The following EGFL6 variants were observed in gnomAD, a reference collection of about 807,000 sequenced individuals.
EGFL6 encodes epidermal growth factor-like protein 6.
EGFL6 carries 42 observed loss-of-function variants against 43.1 expected under a neutral mutation model. The observed-to-expected ratio is 0.98, with a 90% CI of 0.76 to 1.26. The LOEUF (loss-of-function observed/expected upper bound fraction) is 1.26, where lower values mean the gene tolerates loss of function less well. EGFL6 is among the 50% of genes most tolerant of loss of function. The pLI, the probability that EGFL6 is intolerant of heterozygous loss-of-function variation, is 0.00. For missense variants in EGFL6, 429 were observed against 427.8 expected (o/e 1.00, Z -0.02); for synonymous variants, 164 against 163.2 (o/e 1.01, Z -0.04).
intron 3 of EGFL6, chrX:13,596,190 C>T (rs753467147): frequency 8.9e-6 from 1 of 112,243 alleles, no homozygotes; most frequent in East Asian, 2.8e-4. Context: ...TTCAGATAAA[C>T]AACAAATAAT....
At position 13,608,351 on chromosome X, in the gene EGFL6, A is replaced by AC; in HGVS notation, c.683_684insC (p.Thr229TyrfsTer18). On this transcript the variant is annotated frameshift_variant, in exon 7 of 12. Coordinates refer to ENST00000361306, the MANE Select transcript of EGFL6 (RefSeq NM_015507.4). LOFTEE classifies it high-confidence loss of function. ...ATAAATGAATGTACTATGGATAGCC[A>AC]TACGTGCAGCCACCATGCCAATTGC... 8.3e-7 allele frequency: 1 copy of AC among 1,211,237 alleles called. No individual in the cohort carries two copies.
At chrX:13,623,376 G>GTTTTTTTT (rs1569209997) in intron 9 of EGFL6, among the ~76,000 whole-genome samples, 4 of 41,025 alleles carry the variant, frequency 9.8e-5, no homozygotes, top group South Asian at 1.5e-3. Context: ...TTTTATTTTG[G>GTTTTTTTT]GTTTTTTTTT....
chrX:13,601,569 G>A (rs2045634135), intron 4 of EGFL6, among the ~76,000 whole-genome samples: 1 of 111,462 alleles, frequency 9.0e-6, no homozygotes, highest in Non-Finnish European at 1.9e-5. Flanking sequence ...GCCCATCCTG[G>A]GTTTTCCCGA....
intron 3 of EGFL6, among the ~76,000 whole-genome samples, chrX:13,598,653 A>G (rs1438451790): frequency 4.6e-5 from 5 of 108,966 alleles, no homozygotes; most frequent in South Asian, 3.9e-4. Flanking sequence ...GAAGATAACC[A>G]TTAGTCGCAT....
chrX:13,616,127 T>C (rs2045716308), intron 7 of EGFL6, among the ~76,000 whole-genome samples: 1 of 112,322 alleles, frequency 8.9e-6, no homozygotes, highest in South Asian at 3.7e-4. Context: ...AATATCAGTG[T>C]ATTTAATTTT....
chrX:13,621,286 T>C (rs2045747277), intron 9 of EGFL6, among the ~76,000 whole-genome samples: 2 of 112,107 alleles, frequency 1.8e-5, no homozygotes, highest in Admixed American at 1.9e-4. Context: ...CTCAATCCCA[T>C]TGGGGAACTC....
chrX:13,589,363 A>C (rs1176753936), intron 1 of EGFL6, among the ~76,000 whole-genome samples, 193 bp from the exon 2 acceptor site: 1 of 112,112 alleles, frequency 8.9e-6, no homozygotes, highest in East Asian at 2.8e-4. Flanking sequence ...GGGAAGAAGG[A>C]AATGGTTGAA....
At chrX:13,586,148 C>T (rs924901688) in intron 1 of EGFL6, among the ~76,000 whole-genome samples, 2 of 107,537 alleles carry the variant, frequency 1.9e-5, no homozygotes, top group Non-Finnish European at 3.9e-5. Flanking sequence ...GGTCTATAAA[C>T]ACATGAAAGA....
intron 5 of EGFL6, among the ~76,000 whole-genome samples, chrX:13,604,560 C>T (rs754643294): frequency 2.1e-4 from 23 of 111,836 alleles, no homozygotes; most frequent in Non-Finnish European, 3.8e-4. Context: ...TGCTGAGGAG[C>T]TATGGATGGA....
At chrX:13,621,290 G>A (rs1393163525) in intron 9 of EGFL6, among the ~76,000 whole-genome samples, 2 of 112,123 alleles carry the variant, frequency 1.8e-5, no homozygotes, top group Non-Finnish European at 3.8e-5. Context: ...ATCCCATTGG[G>A]GAACTCCAGA....
intron 1 of EGFL6, among the ~76,000 whole-genome samples, chrX:13,584,293 A>T (rs764154603): frequency 1.4e-3 from 158 of 111,232 alleles, no homozygotes; most frequent in Middle Eastern, 4.7e-3. Flanking sequence ...AACTCTCCTC[A>T]TTTGGCTTTC....
At chrX:13,596,999 A>G (rs5978649) in intron 3 of EGFL6, among the ~76,000 whole-genome samples, 62,634 of 110,992 alleles carry the variant, frequency 0.56, 14,720 homozygotes, top group African/African-American at 0.9. Flanking sequence ...TGTCATCCAC[A>G]GGATACTTGA....
intron 8 of EGFL6, among the ~76,000 whole-genome samples, chrX:13,618,825 C>T (rs892475796): frequency 3.6e-5 from 4 of 110,458 alleles, no homozygotes; most frequent in African/African-American, 1.3e-4. Flanking sequence ...CAGGCCCACC[C>T]GTCCAAGAAC....
At chrX:13,606,331 G>A (rs767308221) in intron 5 of EGFL6, 48 bp from the exon 6 acceptor site, 7 of 1,192,860 alleles carry the variant, frequency 5.9e-6, no homozygotes, top group Middle Eastern at 2.3e-4. Context: ...GCATGTATGT[G>A]GCTACTTTTC....
chrX:13,593,583 T>C (rs968706589), intron 2 of EGFL6, among the ~76,000 whole-genome samples: 193 of 111,802 alleles, frequency 1.7e-3, no homozygotes, highest in African/African-American at 5.9e-3. Flanking sequence ...GTTAGACTCC[T>C]GCATCAGTGA....
chrX:13,617,044 T>C, intron 7 of EGFL6, among the ~76,000 whole-genome samples: 1 of 100,328 alleles, frequency 1.0e-5, no homozygotes, highest in South Asian at 3.9e-4. Context: ...TAATTTTTTG[T>C]ATTTTTAGTA....
At chrX:13,590,900 G>A (rs1330875851) in intron 2 of EGFL6, among the ~76,000 whole-genome samples, 1 of 111,562 alleles carries the variant, frequency 9.0e-6, no homozygotes, top group African/African-American at 3.3e-5. Flanking sequence ...CATCCTGATT[G>A]GATTGATAGT....
At chrX:13,577,341 T>TATATATAC (rs1345271588) in intron 1 of EGFL6, among the ~76,000 whole-genome samples, 2 of 12,017 alleles carry the variant, frequency 1.7e-4, no homozygotes, top group African/African-American at 5.7e-4. Flanking sequence ...TATATATATA[T>TATATATAC]ACATACACAC....
chrX:13,623,377 G>GGTTTTTTTTTTTTTTTTTTTTT (rs2045759254), intron 9 of EGFL6, among the ~76,000 whole-genome samples: 1 of 40,371 alleles, frequency 2.5e-5, no homozygotes, highest in Non-Finnish European at 4.2e-5. Flanking sequence ...TTTATTTTGG[G>GGTTTTTTTTTTTTTTTTTTTTT]TTTTTTTTTT....
Sources: gnomAD v4.1 joint callset for allele counts (sites outside exome capture counted in the v4.1 genomes callset) on GRCh38, gnomAD v4.1.1 for gene constraint, MANE v1.5 for transcripts, NCBI Gene and HGNC (gene_info 2026-07-23, HGNC 2026-07-21) for gene names.